TAFA5: variants seen among roughly 807,000 people sequenced by gnomAD.
The protein encoded by TAFA5 is TAFA chemokine like family member 5.
TAFA5 carries 6 observed loss-of-function variants against 15.3 expected under a neutral mutation model. The observed-to-expected ratio is 0.39, with a 90% CI of 0.21 to 0.77. The LOEUF (loss-of-function observed/expected upper bound fraction) is 0.77. TAFA5 is among the 30% of genes least tolerant of loss of function. The probability of loss-of-function intolerance (pLI) is 0.41; values close to 1 mark genes in which losing one functional copy is unlikely to be tolerated. For synonymous variants in TAFA5, 103 were observed against 80.7 expected, an observed-to-expected ratio of 1.28 and a Z score of -1.48; for missense variants, 161 against 193.1, an observed-to-expected ratio of 0.83 and a Z score of 0.98.
At chr22:48,601,225 G>A (rs553133217) in intron 1 of TAFA5, among the ~76,000 whole-genome samples, 2 of 152,174 alleles carry the variant, frequency 1.3e-5, no homozygotes, top group Non-Finnish European at 2.9e-5. Flanking sequence ...TCCAGCATCC[G>A]CTGGGGGTCT....
chr22:48,638,273 A>T (rs1366603083), intron 1 of TAFA5, among the ~76,000 whole-genome samples: 1 of 139,292 alleles, frequency 7.2e-6, no homozygotes, highest in Admixed American at 7.0e-5. Context: ...CACACAGGCA[A>T]TACCCCTCCC....
At chr22:48,576,514 G>T in intron 1 of TAFA5, 1 of 1,509,456 alleles carries the variant, frequency 6.6e-7, no homozygotes, top group Non-Finnish European at 8.9e-7. Context: ...GGCACTGGCA[G>T]GGGCCGCGCT....
At chr22:48,741,120 T>A (rs1930167896) in intron 3 of TAFA5, among the ~76,000 whole-genome samples, 1 of 152,260 alleles carries the variant, frequency 6.6e-6, no homozygotes, top group East Asian at 1.9e-4. Flanking sequence ...GTGGTCCTTA[T>A]CCGCACAGAT....
At chr22:48,529,518 G>T (rs1921899307) in intron 1 of TAFA5, among the ~76,000 whole-genome samples, 1 of 46,726 alleles carries the variant, frequency 2.1e-5, no homozygotes, top group Admixed American at 2.1e-4. Flanking sequence ...AGGAGATGGG[G>T]GTGTCCAGGC....
At chr22:48,540,616 A>C in intron 1 of TAFA5, among the ~76,000 whole-genome samples, 1 of 147,400 alleles carries the variant, frequency 6.8e-6, no homozygotes, top group Non-Finnish European at 1.5e-5. Flanking sequence ...TTTTGCCTCA[A>C]ATGCATCTTT....
intron 1 of TAFA5, among the ~76,000 whole-genome samples, chr22:48,492,885 A>G (rs1380789635): frequency 1.3e-5 from 2 of 152,208 alleles, no homozygotes. Context: ...GTGGCTTAAA[A>G]AGAGTTGATA....
At chr22:48,491,250 G>A (rs1928143816) in intron 1 of TAFA5, among the ~76,000 whole-genome samples, 1 of 152,176 alleles carries the variant, frequency 6.6e-6, no homozygotes, top group African/African-American at 2.4e-5. Flanking sequence ...AGGGGTATGT[G>A]GGGGGATTCC....
intron 1 of TAFA5, among the ~76,000 whole-genome samples, chr22:48,513,419 T>G (rs939178333): frequency 6.6e-6 from 1 of 152,204 alleles, no homozygotes; most frequent in African/African-American, 2.4e-5. Context: ...TGCAGCTCCT[T>G]CCTGTCACTC....
chr22:48,584,900 T>TCA (rs541495485), intron 1 of TAFA5, among the ~76,000 whole-genome samples: 4 of 118,990 alleles, frequency 3.4e-5, no homozygotes, highest in Admixed American at 8.5e-5. Flanking sequence ...AAAATACATC[T>TCA]CACACACACA....
chr22:48,749,989 G>A lies in TAFA5; in HGVS notation c.*142G>A, dbSNP rs1291092499. 1.8e-5 allele frequency: 15 copies of A among 818,496 alleles called. No individual in the cohort carries two copies. Among genetic ancestry groups the A allele is most frequent in the Non-Finnish European group, 2.7e-5 (14 of 510,618 alleles). The allele number at this position is 818,496 out of a possible 1,614,324, so 50.7% of individuals were successfully genotyped here. On this transcript the variant is annotated 3_prime_UTR_variant, in exon 4 of 4. Coordinates refer to ENST00000402357, the MANE Select transcript of TAFA5 (RefSeq NM_001082967.3). ...CGTTTCCCTGTGGTCCGTGAAGGACGGCCTCAGGCCTTGGCATCCTGAGCT... is the reference window on the plus strand; with the variant it reads ...CGTTTCCCTGTGGTCCGTGAAGGACAGCCTCAGGCCTTGGCATCCTGAGCT...
chr22:48,649,373 AGT>A (rs1380029606), intron 2 of TAFA5, among the ~76,000 whole-genome samples: 12 of 151,844 alleles, frequency 7.9e-5, no homozygotes, highest in Middle Eastern at 3.2e-3. Flanking sequence ...TGGGAGGGAG[AGT>A]GTGGCGCGAG....
intron 2 of TAFA5, among the ~76,000 whole-genome samples, chr22:48,676,725 A>G (rs1169102006): frequency 6.6e-6 from 1 of 152,180 alleles, no homozygotes; most frequent in African/African-American, 2.4e-5. Context: ...GGGAGCGGGT[A>G]TGCACTGCTC....
In TAFA5 at chr22:48,565,136, G is replaced by A. The variant is rs142115117; in HGVS notation, c.112+75432G>A. Among the ~76,000 whole-genome samples, 879 of 152,334 alleles carry A rather than the reference G, an allele frequency of 5.8e-3. 4 individuals are homozygous for A. Among genetic ancestry groups the A allele is most frequent in the African/African-American group, 0.02 (843 of 41,590 alleles). ...CTGGCCATGGTCACGGCAGGCGGGA[G>A]CGGACTCCCTGCCATGTGAGGGCAT... is the stretch of plus-strand genomic sequence containing the variant. On this transcript the variant is annotated intron_variant, in intron 1 of 3. Transcript: ENST00000402357.
chr22:48,656,619 A>G (rs1601648111), intron 2 of TAFA5, among the ~76,000 whole-genome samples: 1 of 152,126 alleles, frequency 6.6e-6, no homozygotes, highest in Non-Finnish European at 1.5e-5. Flanking sequence ...ATCTACATCA[A>G]GTGGAAGAAA....
chr22:48,613,661 C>T (rs968598294), intron 1 of TAFA5, among the ~76,000 whole-genome samples: 11 of 152,228 alleles, frequency 7.2e-5, no homozygotes, highest in Non-Finnish European at 1.2e-4. Context: ...GTTGAGGCTC[C>T]AGTCCGCAGT....
chr22:48,620,333 C>G (rs1925757533), intron 1 of TAFA5, among the ~76,000 whole-genome samples: 1 of 152,084 alleles, frequency 6.6e-6, no homozygotes, highest in Admixed American at 6.5e-5. Context: ...CTTATTTCAC[C>G]AGGAGCTCCT....
At chr22:48,510,785 A>T (rs1433552218) in intron 1 of TAFA5, among the ~76,000 whole-genome samples, 1 of 152,226 alleles carries the variant, frequency 6.6e-6, no homozygotes, top group South Asian at 2.1e-4. Flanking sequence ...TTGGATGTGT[A>T]TGGACTCTGA....
In TAFA5 at chr22:48,720,110, C is replaced by T. The variant is rs148434142; in HGVS notation, c.390+12266C>T. ...TGGCTGAAATGTGAGGACGCTCGCC[C>T]GGTGCAGAAGGGTGGACGGGGTCTG... On this transcript the variant is annotated intron_variant, in intron 3 of 3. Coordinates refer to ENST00000402357, the MANE Select transcript of TAFA5 (RefSeq NM_001082967.3). 1.1e-3 allele frequency among the ~76,000 whole-genome samples: 169 copies of T among 152,262 alleles called. 2 individuals carry two copies. The highest frequency in any genetic ancestry group is 2.2e-3 in the African/African-American group (90 of 41,548).
At chr22:48,559,004 A>G (rs1037987411) in intron 1 of TAFA5, among the ~76,000 whole-genome samples, 16 of 152,206 alleles carry the variant, frequency 1.1e-4, no homozygotes, top group African/African-American at 3.4e-4. Flanking sequence ...GGAGGTGACA[A>G]GGTCATACAG....
Sources: gnomAD v4.1 joint callset for allele counts (sites outside exome capture counted in the v4.1 genomes callset) on GRCh38, gnomAD v4.1.1 for gene constraint, MANE v1.5 for transcripts, NCBI Gene and HGNC (gene_info 2026-07-23, HGNC 2026-07-21) for gene names.